PRDM16: variants seen among roughly 807,000 people sequenced by gnomAD.
The protein encoded by PRDM16 is PR/SET domain 16.
PRDM16 carries 23 observed loss-of-function variants against 110.6 expected under a neutral mutation model. The ratio of observed to expected loss-of-function variants is 0.21; its 90% CI spans 0.15 to 0.29. The LOEUF (loss-of-function observed/expected upper bound fraction) is 0.29, where lower values mean the gene tolerates loss of function less well. Among genes scored for constraint, PRDM16 ranks in the 10% least tolerant of loss-of-function variants. The pLI is 1.00. For missense variants in PRDM16, 1,615 were observed against 1,794.3 expected (o/e 0.90, Z 1.81); for synonymous variants, 799 against 781.8 (o/e 1.02, Z -0.37).
At chr1:3,334,954 G>C (rs895107703) in intron 3 of PRDM16, among the ~76,000 whole-genome samples, 1 of 152,212 alleles carries the variant, frequency 6.6e-6, no homozygotes, top group African/African-American at 2.4e-5. Flanking sequence ...CAACCCCATA[G>C]GATGTGCCTG....
chr1:3,408,840 G>A (rs1643612853), intron 8 of PRDM16, among the ~76,000 whole-genome samples: 1 of 120,450 alleles, frequency 8.3e-6, no homozygotes, highest in South Asian at 2.3e-4. Flanking sequence ...GCGTGTGTTG[G>A]AGGATGTGAG....
chr1:3,222,135 C>T (rs1374341992), intron 2 of PRDM16, among the ~76,000 whole-genome samples: 3 of 152,194 alleles, frequency 2.0e-5, no homozygotes, highest in South Asian at 2.1e-4. Context: ...GGCCAGCCTC[C>T]GCCACAGGTG....
chr1:3,436,291 C>T lies in PRDM16; in HGVS notation c.*2480C>T, dbSNP rs943366362. On this transcript the variant is annotated 3_prime_UTR_variant, in exon 17 of 17. Coordinates refer to ENST00000270722, the MANE Select transcript of PRDM16 (RefSeq NM_022114.4). ...CGTGTCTTTTCAGCAGGAGCAGAACCGATGAGAGCCGCCCTTACCGTTGGT... is the reference window on the plus strand; with the variant it reads ...CGTGTCTTTTCAGCAGGAGCAGAACTGATGAGAGCCGCCCTTACCGTTGGT... The T allele has an allele frequency of 5.2e-5, 12 of 230,730 alleles. No individual in the cohort carries two copies. Among genetic ancestry groups the T allele is most frequent in the Non-Finnish European group, 8.6e-5 (10 of 116,530 alleles). The allele number at this position is 230,730 out of a possible 1,614,324, so 14.3% of individuals were successfully genotyped here.
intron 8 of PRDM16, among the ~76,000 whole-genome samples, chr1:3,406,970 A>G (rs1191807488): frequency 6.6e-6 from 1 of 152,136 alleles, no homozygotes; most frequent in Non-Finnish European, 1.5e-5. Context: ...TCATAGGAGG[A>G]AAGGGAGGCT....
At chr1:3,103,786 A>G (rs1291777983) in intron 1 of PRDM16, among the ~76,000 whole-genome samples, 1 of 152,108 alleles carries the variant, frequency 6.6e-6, no homozygotes, top group Admixed American at 6.5e-5. Context: ...AATTTTTCCC[A>G]TTTTTGTGGG....
chr1:3,340,051 C>T (rs562499477), intron 3 of PRDM16, among the ~76,000 whole-genome samples: 39 of 152,304 alleles, frequency 2.6e-4, no homozygotes, highest in Middle Eastern at 3.4e-3. Context: ...TGCGTATGGA[C>T]GGATTCGCTG....
At chr1:3,315,778 T>C (rs1641586256) in intron 3 of PRDM16, among the ~76,000 whole-genome samples, 1 of 152,226 alleles carries the variant, frequency 6.6e-6, no homozygotes, top group Admixed American at 6.5e-5. Flanking sequence ...TTTCTAATCA[T>C]GTTTTTACTT....
At chr1:3,092,106 C>T (rs1214438090) in intron 1 of PRDM16, among the ~76,000 whole-genome samples, 1 of 132,342 alleles carries the variant, frequency 7.6e-6, no homozygotes, top group Non-Finnish European at 1.6e-5. Context: ...GCCCCCATGT[C>T]ACGGCACTGC....
chr1:3,398,335 A>C (rs1293662360), intron 5 of PRDM16, among the ~76,000 whole-genome samples: 1 of 152,202 alleles, frequency 6.6e-6, no homozygotes, highest in Non-Finnish European at 1.5e-5. Flanking sequence ...ATTGCTTGCC[A>C]CACATAATAG....
chr1:3,437,384 C>T lies in PRDM16; in HGVS notation c.*3573C>T, dbSNP rs760616647. On this transcript the variant is annotated 3_prime_UTR_variant, in exon 17 of 17. Coordinates refer to ENST00000270722, the MANE Select transcript of PRDM16 (RefSeq NM_022114.4). ...ATCACGTATTTTAGACTCGAAGCCT[C>T]AAAGCACTGGATTGTGGTCCCCTGC... 2 of 232,588 alleles carry T rather than the reference C, an allele frequency of 8.6e-6. No homozygotes were observed. The highest frequency in any genetic ancestry group is 2.2e-5 in the African/African-American group (1 of 45,264). The allele number at this position is 232,588 out of a possible 1,614,324, so 14.4% of individuals were successfully genotyped here.
intron 2 of PRDM16, among the ~76,000 whole-genome samples, chr1:3,228,510 C>A (rs1474094546): frequency 6.6e-6 from 1 of 152,160 alleles, no homozygotes; most frequent in Admixed American, 6.5e-5. Context: ...TCTGGGCCAG[C>A]CCCAGGGAGG....
intron 1 of PRDM16, among the ~76,000 whole-genome samples, chr1:3,111,744 CT>C (rs964320290): frequency 6.6e-6 from 1 of 152,154 alleles, no homozygotes; most frequent in Non-Finnish European, 1.5e-5. Flanking sequence ...GAGGCCTAAT[CT>C]TTTTTTCTTC....
intron 3 of PRDM16, among the ~76,000 whole-genome samples, chr1:3,282,262 G>A (rs564138344): frequency 1.7e-4 from 26 of 152,294 alleles, no homozygotes; most frequent in Admixed American, 2.6e-4. Flanking sequence ...AGCAGGTGCC[G>A]GGCACCAGCC....
intron 2 of PRDM16, among the ~76,000 whole-genome samples, chr1:3,224,549 G>A (rs1004019019): frequency 2.6e-5 from 4 of 152,044 alleles, no homozygotes; most frequent in African/African-American, 9.7e-5. Context: ...TTCCACACGC[G>A]CTCGGGGCTT....
intron 3 of PRDM16, among the ~76,000 whole-genome samples, chr1:3,292,794 G>T (rs899344766): frequency 4.6e-5 from 7 of 152,242 alleles, no homozygotes; most frequent in African/African-American, 9.6e-5. Flanking sequence ...CAGCACATCG[G>T]TGGGGGCTCA....
Position 3,351,283 on chromosome 1 carries a change from C to T in PRDM16, c.439-33869C>T, listed in dbSNP as rs896752204. Among the ~76,000 whole-genome samples the T allele has an allele frequency of 2.6e-5, 4 of 152,212 alleles. No homozygotes were observed. The East Asian group carries it at 7.8e-4, about 30-fold the overall frequency. On this transcript the variant is annotated intron_variant, in intron 3 of 16. Transcript: ENST00000270722. The stretch of plus-strand genomic sequence containing the variant: ...TCCAGGTGGAAAAGACTCTGTTTGG[C>T]ACAGGCATTTTGAAGACCCAGGAGA...
intron 3 of PRDM16, among the ~76,000 whole-genome samples, chr1:3,324,876 C>T (rs557961463): frequency 6.6e-6 from 1 of 152,304 alleles, no homozygotes; most frequent in South Asian, 2.1e-4. Flanking sequence ...TGACACAGAA[C>T]CCTGCCCTGG....
At chr1:3,239,389 C>T (rs962630184) in intron 2 of PRDM16, among the ~76,000 whole-genome samples, 2 of 152,034 alleles carry the variant, frequency 1.3e-5, no homozygotes, top group African/African-American at 4.8e-5. Flanking sequence ...TCCAGCAGAA[C>T]CCTGAGCCCC....
intron 3 of PRDM16, among the ~76,000 whole-genome samples, chr1:3,251,830 G>T (rs938536538): frequency 6.6e-6 from 1 of 152,198 alleles, no homozygotes; most frequent in Admixed American, 6.5e-5. Context: ...TAATTAAATT[G>T]TGCTGCTCTA....
Sources: allele counts gnomAD v4.1 joint callset (sites outside exome capture counted in the v4.1 genomes callset), GRCh38; gene constraint gnomAD v4.1.1; transcripts MANE v1.5; gene names NCBI Gene and HGNC (gene_info 2026-07-23, HGNC 2026-07-21).